Variants in PIBF1 observed in about 807,000 individuals in gnomAD.
PIBF1 encodes the protein progesterone immunomodulatory binding factor 1, also known as progesterone-induced-blocking factor 1.
In PIBF1, 90 loss-of-function variants were observed where a neutral mutation model predicts 112.5. The ratio of observed to expected loss-of-function variants is 0.80; its 90% CI spans 0.67 to 0.95. The LOEUF (loss-of-function observed/expected upper bound fraction) is 0.95, where lower values mean the gene tolerates loss of function less well. Among genes scored for constraint, PIBF1 ranks in the 40% least tolerant of loss-of-function variants. The pLI, the probability that PIBF1 is intolerant of heterozygous loss-of-function variation, is 0.00. For synonymous variants in PIBF1, 301 were observed against 288.6 expected (o/e 1.04, Z -0.44); for missense variants, 915 against 852.3 (o/e 1.07, Z -0.92).
At chr13:72,792,811 C>T (rs1397095834) in intron 3 of PIBF1, among the ~76,000 whole-genome samples, 1 of 152,148 alleles carries the variant, frequency 6.6e-6, no homozygotes, top group African/African-American at 2.4e-5. Context: ...AACTGACCAC[C>T]ATTAACCTTT....
At chr13:72,855,516 A>G (rs966767439) in intron 10 of PIBF1, among the ~76,000 whole-genome samples, 5 of 151,994 alleles carry the variant, frequency 3.3e-5, no homozygotes, top group Non-Finnish European at 7.4e-5. Flanking sequence ...GTGTGTGGTG[A>G]TGCATGCCTG....
intron 16 of PIBF1, among the ~76,000 whole-genome samples, chr13:72,987,863 T>TA (rs1566522300): frequency 2.1e-4 from 21 of 100,546 alleles, no homozygotes; most frequent in African/African-American, 6.1e-4. Flanking sequence ...TATTTATTTT[T>TA]TTTTTTTTTT....
chr13:72,881,784 G>A (rs187186020), intron 10 of PIBF1, among the ~76,000 whole-genome samples: 5 of 151,718 alleles, frequency 3.3e-5, no homozygotes, highest in African/African-American at 4.8e-5. Context: ...AGAAATTGAG[G>A]AGAACATACA....
intron 11 of PIBF1, among the ~76,000 whole-genome samples, chr13:72,897,805 A>G (rs1016566733): frequency 6.6e-6 from 1 of 152,222 alleles, no homozygotes; most frequent in African/African-American, 2.4e-5. Flanking sequence ...TTATAAAACA[A>G]TTACTAATAG....
intron 10 of PIBF1, among the ~76,000 whole-genome samples, chr13:72,880,625 AC>A (rs2138492416): frequency 6.6e-6 from 1 of 152,332 alleles, no homozygotes; most frequent in African/African-American, 2.4e-5. Flanking sequence ...TGGCTTCAGA[AC>A]CCTTGCTTAA....
In PIBF1 at chr13:72,827,137, T is replaced by C; in HGVS notation, c.915+19T>C. 2 of 1,307,052 alleles carry C rather than the reference T, an allele frequency of 1.5e-6. No homozygotes were observed. The highest frequency in any genetic ancestry group is 2.2e-6 in the Non-Finnish European group (2 of 923,778). The allele number at this position is 1,307,052 out of a possible 1,614,324, so 81.0% of individuals were successfully genotyped here. ...AAAAGAGGTAAGCTTATAATTAGAGTCACTTATATTATATAGCATAGTATT... is the reference window on the plus strand; with the variant it reads ...AAAAGAGGTAAGCTTATAATTAGAGCCACTTATATTATATAGCATAGTATT... On this transcript the variant is annotated intron_variant, in intron 7 of 17. Coordinates refer to ENST00000326291, the MANE Select transcript of PIBF1 (RefSeq NM_006346.4).
intron 14 of PIBF1, among the ~76,000 whole-genome samples, chr13:72,957,818 G>A (rs755868673): frequency 3.3e-5 from 5 of 151,824 alleles, no homozygotes; most frequent in East Asian, 1.9e-4. Context: ...ATGCAGTGGC[G>A]CACACCTATA....
chr13:72,949,732 T>C (rs1032670633), intron 14 of PIBF1, among the ~76,000 whole-genome samples: 2 of 152,224 alleles, frequency 1.3e-5, no homozygotes, highest in African/African-American at 4.8e-5. Flanking sequence ...TCTGAAACAA[T>C]ATCCTTACTA....
At chr13:72,928,636 C>G (rs980098908) in intron 13 of PIBF1, among the ~76,000 whole-genome samples, 1 of 152,132 alleles carries the variant, frequency 6.6e-6, no homozygotes, top group Non-Finnish European at 1.5e-5. Flanking sequence ...GACAGGGTTT[C>G]ACCATGTTGG....
At chr13:72,908,446 C>T in intron 11 of PIBF1, 85 bp from the exon 12 acceptor site, 1 of 673,828 alleles carries the variant, frequency 1.5e-6, no homozygotes, top group Non-Finnish European at 2.3e-6. Flanking sequence ...CAAAAAAAGC[C>T]CTATGAATGT....
intron 10 of PIBF1, among the ~76,000 whole-genome samples, chr13:72,878,621 G>T (rs1010601596): frequency 1.3e-5 from 2 of 152,104 alleles, no homozygotes; most frequent in African/African-American, 4.8e-5. Context: ...TGCTATTGTT[G>T]ATAAATTGTG....
chr13:72,999,082 GA>G (rs1334711400), intron 17 of PIBF1, 87 bp downstream of exon 17: 13 of 797,878 alleles, frequency 1.6e-5, no homozygotes, highest in Admixed American at 2.5e-5. Context: ...TTACATTTAT[GA>G]AATGAGTAGA....
intron 10 of PIBF1, among the ~76,000 whole-genome samples, chr13:72,888,194 G>A (rs1438051355): frequency 6.6e-6 from 1 of 152,096 alleles, no homozygotes; most frequent in Non-Finnish European, 1.5e-5. Flanking sequence ...AACAATGAAA[G>A]AATTGTTGAG....
intron 14 of PIBF1, among the ~76,000 whole-genome samples, chr13:72,958,995 G>T (rs2042533191): frequency 6.6e-6 from 1 of 152,012 alleles, no homozygotes; most frequent in East Asian, 1.9e-4. Context: ...CTTATTTTTT[G>T]GTTTGTTTTT....
intron 5 of PIBF1, among the ~76,000 whole-genome samples, chr13:72,806,102 A>G (rs1038494531): frequency 1.3e-5 from 2 of 152,234 alleles, no homozygotes; most frequent in African/African-American, 4.8e-5. Context: ...CTTTATTTTC[A>G]TGTATACAAT....
chr13:72,869,656 A>T (rs2039079484), intron 10 of PIBF1, among the ~76,000 whole-genome samples: 1 of 151,850 alleles, frequency 6.6e-6, no homozygotes, highest in Non-Finnish European at 1.5e-5. Flanking sequence ...ATAAAAAATA[A>T]AGCATTCCAC....
chr13:72,835,992 G>A (rs1413696166), intron 9 of PIBF1: 9 of 334,624 alleles, frequency 2.7e-5, no homozygotes, highest in East Asian at 8.7e-5. Context: ...CCAGCTACTC[G>A]GGAGGCTGAG....
At position 72,988,277 on chromosome 13, in the gene PIBF1, C is replaced by T. The variant is rs367546583; in HGVS notation, c.2050-10545C>T. ...AAGATACTCAGCACAAAGCCTGGTA[C>T]ATTGTAGATACTCAGTGAACATTCA... On this transcript the variant is annotated intron_variant, in intron 16 of 17. Coordinates refer to ENST00000326291, the MANE Select transcript of PIBF1 (RefSeq NM_006346.4). Among the ~76,000 whole-genome samples, 16 of 152,148 alleles carry T rather than the reference C, an allele frequency of 1.1e-4. No individual in the cohort carries two copies. In the East Asian group the frequency reaches 2.1e-3, roughly 20 times the overall value.
intron 16 of PIBF1, among the ~76,000 whole-genome samples, chr13:72,990,649 A>C (rs185973720): frequency 1.2e-4 from 19 of 152,088 alleles, no homozygotes; most frequent in Non-Finnish European, 5.9e-5. Flanking sequence ...GGAGTTTGAG[A>C]CCAGCCTGGC....
Sources: allele counts gnomAD v4.1 joint callset (sites outside exome capture counted in the v4.1 genomes callset), GRCh38; gene constraint gnomAD v4.1.1; transcripts MANE v1.5; gene names NCBI Gene and HGNC (gene_info 2026-07-23, HGNC 2026-07-21).